Variants in VPS37C observed in about 807,000 individuals in gnomAD.
VPS37C encodes the protein VPS37C subunit of ESCRT-I.
Under a neutral mutation model 16.1 loss-of-function variants are expected in VPS37C, and 9 were observed. That is an observed-to-expected ratio of 0.56 (90% confidence interval 0.34 to 0.97). The LOEUF is 0.97. VPS37C is among the 50% of genes least tolerant of loss of function. The probability of loss-of-function intolerance (pLI) is 0.02; values close to 1 mark genes in which losing one functional copy is unlikely to be tolerated. For synonymous variants in VPS37C, 207 were observed against 206.4 expected (o/e 1.00, Z -0.02); for missense variants, 479 against 472.7 (o/e 1.01, Z -0.12).
At chr11:61,132,746 G>A in intron 4 of VPS37C, 1 of 726,360 alleles carries the variant, frequency 1.4e-6, no homozygotes. Context: ...TTGAAGGCGA[G>A]GACTGTCTCT....
chr11:61,137,208 C>T (rs1861392591), intron 2 of VPS37C, among the ~76,000 whole-genome samples: 2 of 152,102 alleles, frequency 1.3e-5, no homozygotes, highest in South Asian at 2.1e-4. Context: ...GTCCATGTCC[C>T]GAACTAATAG....
rs749952896 is a variant in VPS37C at position 61,131,701 on chromosome 11, G to A, written c.*119C>T. 155 of 1,219,682 alleles carry A rather than the reference G, an allele frequency of 1.3e-4. No individual in the cohort carries two copies. The highest frequency in any genetic ancestry group is 4.7e-4 in the East Asian group (15 of 31,640). 75.6% of individuals were successfully genotyped at this position (1,219,682 alleles called of 1,614,324 possible). Reference sequence around the variant, plus strand: ...TGTCCCTCCAAGGCCTCTGGGTGCCGACGCAAGTCCACAGGGAGCACCAAC... The same window carrying A: ...TGTCCCTCCAAGGCCTCTGGGTGCCAACGCAAGTCCACAGGGAGCACCAAC... On this transcript the variant is annotated 3_prime_UTR_variant, in exon 5 of 5. Transcript: ENST00000301765.
intron 4 of VPS37C, 106 bp from the exon 5 acceptor site, chr11:61,132,645 C>T (rs1861293044): frequency 1.4e-6 from 2 of 1,442,604 alleles, no homozygotes; most frequent in Non-Finnish European, 1.9e-6. Flanking sequence ...CACGCCGCCT[C>T]AGGCACCCCC....
At chr11:61,132,563 C>T in intron 4 of VPS37C, 24 bp from the exon 5 acceptor site, 3 of 1,552,132 alleles carry the variant, frequency 1.9e-6, no homozygotes. Flanking sequence ...GGTCCAGTGA[C>T]AACAGGGGCA....
At position 61,132,368 on chromosome 11, in the gene VPS37C, G is replaced by C. The variant is rs746287465; in HGVS notation, c.520C>G (p.Arg174Gly). 7.5e-6 allele frequency: 12 copies of C among 1,599,676 alleles called. No homozygotes were observed. Among genetic ancestry groups the C allele is most frequent in the African/African-American group, 1.3e-5 (1 of 74,744 alleles). The change falls in exon 5 of 5, where the codon CGT (arginine) becomes GGT (glycine). Residue 174 changes from arginine to glycine, a missense_variant. By Grantham distance (125) the Arg-to-Gly change is moderately radical (BLOSUM62 -2). Coordinates refer to ENST00000301765, the MANE Select transcript of VPS37C (RefSeq NM_017966.5). ...ACTGGGCGCACCGGGGGTGGTGGAC[G>C]GGGTGGAGGGGCATCGCCGGCCAGC... ...QELAGDAPPP[R>G]PPPPVRPVPQ...
At chr11:61,133,982 G>C in intron 3 of VPS37C, 54 bp downstream of exon 3, 1 of 1,559,798 alleles carries the variant, frequency 6.4e-7, no homozygotes, top group African/African-American at 1.4e-5. Context: ...GAACACGGTG[G>C]GCCTCCGTCC....
chr11:61,145,803 T>C (rs1853196199), intron 1 of VPS37C, among the ~76,000 whole-genome samples: 3 of 152,168 alleles, frequency 2.0e-5, no homozygotes, highest in Admixed American at 2.0e-4. Context: ...TCCTGAGATG[T>C]CCTTCGGGGA....
chr11:61,144,788 C>A (rs998754020), intron 1 of VPS37C: 3 of 152,240 alleles, frequency 2.0e-5, no homozygotes, highest in African/African-American at 4.8e-5. Flanking sequence ...TTCTAACGGG[C>A]CAGGAGTCCC....
chr11:61,150,219 C>A (rs980992144), intron 1 of VPS37C, among the ~76,000 whole-genome samples: 15 of 152,118 alleles, frequency 9.9e-5, no homozygotes, highest in Admixed American at 2.6e-4. Context: ...CCCCCCACCC[C>A]TGATGTCCAA....
chr11:61,140,348 C>G (rs971899584), intron 1 of VPS37C, among the ~76,000 whole-genome samples: 3 of 152,192 alleles, frequency 2.0e-5, no homozygotes, highest in Non-Finnish European at 4.4e-5. Context: ...TCCCATGTAC[C>G]AGGAAGTCCC....
At position 61,146,268 on chromosome 11, in the gene VPS37C, G is replaced by A. The variant is rs2134645064; in HGVS notation, c.-6-7433C>T. ...GTGAGACCCACATCAAAGGAGGAAG[G>A]ATAAATGGGGGCAGCAGGATGTGAG... On this transcript the variant is annotated intron_variant, in intron 1 of 4. Transcript: ENST00000301765. Among the ~76,000 whole-genome samples, 3 of 152,376 alleles carry A rather than the reference G, an allele frequency of 2.0e-5. No homozygotes were observed. The South Asian group carries it at 6.2e-4, about 32-fold the overall frequency.
At chr11:61,158,993 A>T (rs751387118) in intron 1 of VPS37C, among the ~76,000 whole-genome samples, 1 of 152,220 alleles carries the variant, frequency 6.6e-6, no homozygotes, top group Admixed American at 6.5e-5. Flanking sequence ...GGACACTTCT[A>T]ACAGAATTTC....
At position 61,149,086 on chromosome 11, in the gene VPS37C, C is replaced by A. The variant is rs542809010; in HGVS notation, c.-6-10251G>T. Among the ~76,000 whole-genome samples the A allele has an allele frequency of 2.0e-5, 3 of 152,350 alleles. No individual in the cohort carries two copies. The East Asian group carries it at 5.8e-4, about 29-fold the overall frequency. ...CACGAGGTCAGGAGATCAAGACCAT[C>A]CTAGCTAACATGGTGAAACCCCATA... On this transcript the variant is annotated intron_variant, in intron 1 of 4. Coordinates refer to ENST00000301765, the MANE Select transcript of VPS37C (RefSeq NM_017966.5).
chr11:61,135,090 C>T (rs937856245), intron 2 of VPS37C, among the ~76,000 whole-genome samples: 5 of 152,264 alleles, frequency 3.3e-5, no homozygotes, highest in Non-Finnish European at 7.3e-5. Flanking sequence ...GCGCAGGGAA[C>T]AGCTCAGCAA....
In VPS37C at chr11:61,131,796, A is replaced by G; in HGVS notation, c.*24T>C. On this transcript the variant is annotated 3_prime_UTR_variant, in exon 5 of 5. Transcript: ENST00000301765. Reference sequence around the variant, plus strand: ...AGGTTGAGCGTGGGTGGGACTAGGGAGGGGCCGAGGGCCAGGAGTGTGTCT... The same window carrying G: ...AGGTTGAGCGTGGGTGGGACTAGGGGGGGGCCGAGGGCCAGGAGTGTGTCT... The G allele has an allele frequency of 1.7e-6, 2 of 1,204,818 alleles. No individual in the cohort carries two copies. The highest frequency in any genetic ancestry group is 2.1e-6 in the Non-Finnish European group (2 of 970,708). 74.6% of individuals were successfully genotyped at this position (1,204,818 alleles called of 1,614,324 possible).
intron 2 of VPS37C, among the ~76,000 whole-genome samples, chr11:61,134,857 C>T (rs1861337131): frequency 6.6e-6 from 1 of 152,332 alleles, no homozygotes; most frequent in South Asian, 2.1e-4. Context: ...CCAAGCCAAG[C>T]GGCACTTTAC....
At chr11:61,150,055 C>G (rs1853273864) in intron 1 of VPS37C, among the ~76,000 whole-genome samples, 1 of 152,162 alleles carries the variant, frequency 6.6e-6, no homozygotes. Flanking sequence ...GGGACTCCTC[C>G]CGAACCTGCT....
chr11:61,143,353 G>A (rs1861505200), intron 1 of VPS37C: 1 of 139,428 alleles, frequency 7.2e-6, no homozygotes, highest in African/African-American at 2.7e-5. Flanking sequence ...AGAATCTCCA[G>A]GATTCTTAAT....
intron 1 of VPS37C, among the ~76,000 whole-genome samples, chr11:61,160,506 A>G (rs544835926): frequency 2.0e-5 from 3 of 152,324 alleles, no homozygotes; most frequent in South Asian, 4.1e-4. Context: ...AAAAGGCCTT[A>G]GGCAGCAAGA....
Sources: allele counts gnomAD v4.1 joint callset (sites outside exome capture counted in the v4.1 genomes callset), GRCh38; gene constraint gnomAD v4.1.1; transcripts MANE v1.5; gene names NCBI Gene and HGNC (gene_info 2026-07-23, HGNC 2026-07-21).